The following CADM2 variants were observed in gnomAD, a reference collection of about 807,000 sequenced individuals.
CADM2 encodes the protein immunoglobulin superfamily member 4D.
CADM2 carries 12 observed loss-of-function variants against 49.8 expected under a neutral mutation model. The ratio of observed to expected loss-of-function variants is 0.24; its 90% CI spans 0.15 to 0.39. CADM2 has a LOEUF of 0.39. CADM2 is among the 10% of genes least tolerant of loss of function. The pLI is 1.00. For missense variants in CADM2, 378 were observed against 492.3 expected (o/e 0.77, Z 2.20); for synonymous variants, 214 against 175.4 (o/e 1.22, Z -1.74).
intron 3 of CADM2, among the ~76,000 whole-genome samples, chr3:85,824,449 C>T (rs2073791068): frequency 6.7e-6 from 1 of 149,376 alleles, no homozygotes; most frequent in Non-Finnish European, 1.5e-5. Flanking sequence ...GTGCACAGTG[C>T]ACAAAGTGCT....
At chr3:84,971,750 T>TG (rs1004667696) in intron 1 of CADM2, among the ~76,000 whole-genome samples, 1 of 152,140 alleles carries the variant, frequency 6.6e-6, no homozygotes, top group African/African-American at 2.4e-5. Context: ...ATGGACAGAC[T>TG]GGGGAGATTA....
At chr3:85,134,861 A>C (rs1248652944) in intron 1 of CADM2, among the ~76,000 whole-genome samples, 1 of 152,032 alleles carries the variant, frequency 6.6e-6, no homozygotes, top group Admixed American at 6.6e-5. Context: ...AGATATCCCA[A>C]ATGGGGATAT....
intron 1 of CADM2, among the ~76,000 whole-genome samples, chr3:85,089,785 A>G (rs2037524168): frequency 6.6e-6 from 1 of 152,186 alleles, no homozygotes; most frequent in Non-Finnish European, 1.5e-5. Context: ...AAATAGGACA[A>G]CATGAGTTGT....
chr3:85,717,031 A>G (rs914132158), intron 1 of CADM2, among the ~76,000 whole-genome samples: 1 of 152,200 alleles, frequency 6.6e-6, no homozygotes, highest in African/African-American at 2.4e-5. Context: ...AATTCTGTGA[A>G]GAAAGTCAGT....
intron 1 of CADM2, among the ~76,000 whole-genome samples, chr3:85,713,997 C>T (rs2067201153): frequency 6.6e-6 from 1 of 152,154 alleles, no homozygotes; most frequent in African/African-American, 2.4e-5. Flanking sequence ...CACATTTTAT[C>T]TTGCTCAAGC....
chr3:85,607,295 T>A (rs1430612020), intron 1 of CADM2, among the ~76,000 whole-genome samples: 1 of 152,164 alleles, frequency 6.6e-6, no homozygotes, highest in Non-Finnish European at 1.5e-5. Context: ...ATGGCAGGGT[T>A]ACATAATTTC....
intron 1 of CADM2, among the ~76,000 whole-genome samples, chr3:85,314,785 A>G (rs1015710315): frequency 2.0e-5 from 3 of 152,230 alleles, no homozygotes; most frequent in Non-Finnish European, 4.4e-5. Flanking sequence ...GAGATTGTAT[A>G]GTCAAATACT....
At chr3:85,214,144 T>C (rs1348443158) in intron 1 of CADM2, among the ~76,000 whole-genome samples, 1 of 151,998 alleles carries the variant, frequency 6.6e-6, no homozygotes, top group Non-Finnish European at 1.5e-5. Context: ...ATACCCACAT[T>C]ATGGGGCACC....
At chr3:85,960,647 A>T (rs1163650045) in intron 7 of CADM2, among the ~76,000 whole-genome samples, 2 of 151,994 alleles carry the variant, frequency 1.3e-5, no homozygotes, top group East Asian at 3.9e-4. Flanking sequence ...ATTAACAACT[A>T]TTTCTATCAT....
At position 84,959,569 on chromosome 3, in the gene CADM2, G is replaced by A; in HGVS notation, c.-39G>A. On this transcript the variant is annotated 5_prime_UTR_variant, in exon 1 of 10. Transcript: ENST00000383699. ...GTGCCCCGCTCACCAGCATCTACTT[G>A]CCCCCTCGTTCCTTCCCCAGCCCTT... is the stretch of plus-strand genomic sequence containing the variant. 1 of 1,526,834 alleles carries A rather than the reference G, an allele frequency of 6.5e-7. No homozygotes were observed. The highest frequency in any genetic ancestry group is 8.8e-7 in the Non-Finnish European group (1 of 1,137,698). The allele number at this position is 1,526,834 out of a possible 1,614,324, so 94.6% of individuals were successfully genotyped here. A position where few individuals can be genotyped will look rare whatever the true frequency, so the allele number is the denominator to read the frequency against.
At chr3:85,979,095 T>C (rs1727148530) in intron 8 of CADM2, 2 of 1,537,230 alleles carry the variant, frequency 1.3e-6, no homozygotes, top group African/African-American at 2.7e-5. Flanking sequence ...TATTTATAAT[T>C]TGAATCATTT....
chr3:85,002,209 G>T (rs1204197304), intron 1 of CADM2, among the ~76,000 whole-genome samples: 1 of 151,704 alleles, frequency 6.6e-6, no homozygotes, highest in Non-Finnish European at 1.5e-5. Flanking sequence ...CATGTTCTTT[G>T]CTCCCTTTTC....
intron 1 of CADM2, among the ~76,000 whole-genome samples, chr3:85,187,789 G>A (rs1226275080): frequency 6.6e-6 from 1 of 151,800 alleles, no homozygotes; most frequent in Non-Finnish European, 1.5e-5. Context: ...GTTTCTTAGG[G>A]TATTTTGTAT....
At chr3:85,533,980 T>C (rs1393339235) in intron 1 of CADM2, among the ~76,000 whole-genome samples, 4 of 152,280 alleles carry the variant, frequency 2.6e-5, no homozygotes, top group South Asian at 2.1e-4. Context: ...AGAAATGCCA[T>C]AGTCAAAGAA....
intron 1 of CADM2, among the ~76,000 whole-genome samples, chr3:85,189,117 A>G (rs570088543): frequency 6.6e-6 from 1 of 151,598 alleles, no homozygotes; most frequent in African/African-American, 2.4e-5. Context: ...AAGGTTCTGA[A>G]GTTTGCATCT....
intron 2 of CADM2, among the ~76,000 whole-genome samples, chr3:85,774,268 G>A (rs1179417672): frequency 6.6e-6 from 1 of 151,764 alleles, no homozygotes; most frequent in Non-Finnish European, 1.5e-5. Context: ...ATTTCCACAT[G>A]CATATCGGTG....
At position 85,511,624 on chromosome 3, in the gene CADM2, A is replaced by G. The variant is rs144655975; in HGVS notation, c.62-214898A>G. Among the ~76,000 whole-genome samples the G allele has an allele frequency of 4.6e-5, 7 of 152,212 alleles. No homozygotes were observed. The East Asian group carries it at 1.2e-3, about 25-fold the overall frequency. The stretch of plus-strand genomic sequence containing the variant: ...GACAAAAATAGATGTCTTCAACTCA[A>G]TAAAAACGTATTTGCCACCAAGGCA... On this transcript the variant is annotated intron_variant, in intron 1 of 9. Transcript: ENST00000383699.
chr3:85,093,517 CA>C (rs2037680176), intron 1 of CADM2, among the ~76,000 whole-genome samples: 1 of 151,562 alleles, frequency 6.6e-6, no homozygotes, highest in Non-Finnish European at 1.5e-5. Flanking sequence ...TACATCCTTA[CA>C]AATATATCTT....
chr3:85,887,662 C>T (rs1179048990), intron 5 of CADM2, among the ~76,000 whole-genome samples: 1 of 152,006 alleles, frequency 6.6e-6, no homozygotes, highest in African/African-American at 2.4e-5. Context: ...AAATACAAGT[C>T]CCAAGACACA....
Sources: gnomAD v4.1 joint callset for allele counts (sites outside exome capture counted in the v4.1 genomes callset) on GRCh38, gnomAD v4.1.1 for gene constraint, MANE v1.5 for transcripts, NCBI Gene and HGNC (gene_info 2026-07-23, HGNC 2026-07-21) for gene names.